The following FBXO15 variants were observed in gnomAD, a reference collection of about 807,000 sequenced individuals.
FBXO15 encodes F-box only protein 15.
In FBXO15, 30 loss-of-function variants were observed where a neutral mutation model predicts 49.5. The observed-to-expected ratio is 0.61, with a 90% CI of 0.45 to 0.82. FBXO15 has a LOEUF of 0.82. FBXO15 is among the 40% of genes least tolerant of loss of function. The pLI is 0.00. For missense variants in FBXO15, 591 were observed against 631.5 expected (o/e 0.94, Z 0.69); for synonymous variants, 250 against 232.7 (o/e 1.07, Z -0.68).
chr18:74,091,384 C>T (rs1477994818), intron 8 of FBXO15, among the ~76,000 whole-genome samples: 1 of 151,824 alleles, frequency 6.6e-6, no homozygotes, highest in African/African-American at 2.4e-5. Flanking sequence ...GGCTATTTAG[C>T]CTGATTATAT....
intron 9 of FBXO15, among the ~76,000 whole-genome samples, chr18:74,076,003 C>T (rs572093030): frequency 1.6e-4 from 25 of 152,322 alleles, no homozygotes; most frequent in Middle Eastern, 6.8e-3. Flanking sequence ...TCAACGGTCC[C>T]TCAAGTCCAG....
At chr18:74,079,189 A>T (rs1426043068) in intron 9 of FBXO15, among the ~76,000 whole-genome samples, 1 of 152,250 alleles carries the variant, frequency 6.6e-6, no homozygotes, top group Non-Finnish European at 1.5e-5. Context: ...CATACGGGAA[A>T]AGCCTCACCA....
chr18:74,073,472 T>C lies in FBXO15; in HGVS notation c.1522A>G (p.Thr508Ala). ...TTTGCCACCTACTGCTAATATTCAG[T>C]CCCAAACCAATGGTTGATTTTTGCG... is the stretch of plus-strand genomic sequence containing the variant. Reference protein sequence around the residue: ...SIAKINHWFGTEY With the variant: ...SIAKINHWFGAEY Residue 508 changes from threonine (T) to alanine (A), a missense_variant, in exon 10 of 10, where the codon ACT (threonine) becomes GCT (alanine). Physicochemically the swap from Thr to Ala is moderately conservative, Grantham distance 58. Coordinates refer to ENST00000419743, the MANE Select transcript of FBXO15 (RefSeq NM_001142958.2). 1 of 1,613,946 alleles carries C rather than the reference T, an allele frequency of 6.2e-7. No homozygotes were observed. Among genetic ancestry groups the C allele is most frequent in the Non-Finnish European group, 8.5e-7 (1 of 1,179,932 alleles).
intron 6 of FBXO15, 70 bp from the exon 7 acceptor site, chr18:74,124,641 A>G: frequency 7.6e-7 from 1 of 1,319,598 alleles, no homozygotes; most frequent in East Asian, 2.3e-5. Flanking sequence ...ATCATTGTGA[A>G]GATCACAGCA....
chr18:74,142,080 A>G lies in FBXO15; in HGVS notation c.117-1768T>C, dbSNP rs184743806. Among the ~76,000 whole-genome samples, 165 of 152,306 alleles carry G rather than the reference A, an allele frequency of 1.1e-3. No homozygotes were observed. In the Middle Eastern group the frequency reaches 0.014, roughly 13 times the overall value. ...GTAAAAATGCACCGAGGAAAAAAAA[A>G]TGCTGGCTCCACATGCCTTTCCATC... On this transcript the variant is annotated intron_variant, in intron 1 of 9. Coordinates refer to ENST00000419743, the MANE Select transcript of FBXO15 (RefSeq NM_001142958.2).
chr18:74,140,429 T>A, intron 1 of FBXO15, 117 bp from the exon 2 acceptor site: 1 of 876,234 alleles, frequency 1.1e-6, no homozygotes, highest in Non-Finnish European at 1.6e-6. Flanking sequence ...ACTGAAAAAC[T>A]TAATTTCTGC....
At chr18:74,123,267 T>C (rs1568173816) in intron 8 of FBXO15, 101 bp downstream of exon 8, 1 of 1,310,700 alleles carries the variant, frequency 7.6e-7, no homozygotes, top group East Asian at 2.3e-5. Context: ...CAAAAGATTA[T>C]AAAGTGACCA....
At chr18:74,127,474 G>A (rs1049147869) in intron 5 of FBXO15, among the ~76,000 whole-genome samples, 5 of 152,232 alleles carry the variant, frequency 3.3e-5, no homozygotes, top group Admixed American at 2.6e-4. Context: ...TTACATCAAT[G>A]AGGCTTTCAC....
At chr18:74,086,068 T>C (rs1308745088) in intron 8 of FBXO15, among the ~76,000 whole-genome samples, 1 of 152,158 alleles carries the variant, frequency 6.6e-6, no homozygotes, top group East Asian at 1.9e-4. Flanking sequence ...TCTAGGTAAT[T>C]ACCACTCAGA....
At chr18:74,139,473 C>CT (rs1027734666) in intron 2 of FBXO15, among the ~76,000 whole-genome samples, 1 of 152,144 alleles carries the variant, frequency 6.6e-6, no homozygotes, top group African/African-American at 2.4e-5. Flanking sequence ...TCCTTTCTGG[C>CT]TTTTTTTAAA....
intron 9 of FBXO15, among the ~76,000 whole-genome samples, chr18:74,080,777 A>T (rs1245027144): frequency 1.3e-5 from 2 of 152,220 alleles, no homozygotes; most frequent in Non-Finnish European, 2.9e-5. Context: ...TATAATTACT[A>T]CATTTCCCTT....
intron 8 of FBXO15, among the ~76,000 whole-genome samples, chr18:74,121,239 T>C (rs1233838878): frequency 6.6e-6 from 1 of 152,162 alleles, no homozygotes; most frequent in African/African-American, 2.4e-5. Context: ...GAAGAAATAC[T>C]ACCAATTCTA....
intron 8 of FBXO15, among the ~76,000 whole-genome samples, chr18:74,089,998 C>G (rs1300453822): frequency 6.6e-6 from 1 of 152,146 alleles, no homozygotes; most frequent in African/African-American, 2.4e-5. Flanking sequence ...ATAGTACCAG[C>G]TCTTCTTTAT....
At chr18:74,096,013 G>A (rs1041153041) in intron 8 of FBXO15, among the ~76,000 whole-genome samples, 1 of 152,040 alleles carries the variant, frequency 6.6e-6, no homozygotes, top group Non-Finnish European at 1.5e-5. Context: ...CCCCTCCCCC[G>A]ATTCTACCCA....
At chr18:74,095,558 C>T (rs1913238235) in intron 8 of FBXO15, among the ~76,000 whole-genome samples, 1 of 152,146 alleles carries the variant, frequency 6.6e-6, no homozygotes, top group South Asian at 2.1e-4. Context: ...TTAGGTTTGC[C>T]ATCTTACATG....
intron 4 of FBXO15, 48 bp downstream of exon 4, chr18:74,130,350 CATACGTCCTACGTACACG>C: frequency 6.3e-7 from 1 of 1,585,784 alleles, no homozygotes; most frequent in Non-Finnish European, 8.6e-7. Flanking sequence ...CTAAACTGCA[CATACGTCCTACGTACACG>C]ATACTTTGAG....
intron 8 of FBXO15, among the ~76,000 whole-genome samples, chr18:74,089,670 A>C (rs1171186712): frequency 1.3e-5 from 2 of 152,212 alleles, no homozygotes; most frequent in Non-Finnish European, 2.9e-5. Flanking sequence ...GCATCTATTG[A>C]TAATCATGTG....
intron 8 of FBXO15, among the ~76,000 whole-genome samples, chr18:74,093,076 A>T (rs1913116711): frequency 6.6e-6 from 1 of 152,134 alleles, no homozygotes; most frequent in African/African-American, 2.4e-5. Context: ...GTGGCAACAC[A>T]GGGTGGGGGC....
chr18:74,092,107 GT>G (rs962112342), intron 8 of FBXO15, among the ~76,000 whole-genome samples: 1 of 151,766 alleles, frequency 6.6e-6, no homozygotes. Flanking sequence ...GTCTGACTGA[GT>G]TCTTTTGTAG....
Sources: gnomAD v4.1 joint callset for allele counts (sites outside exome capture counted in the v4.1 genomes callset) on GRCh38, gnomAD v4.1.1 for gene constraint, MANE v1.5 for transcripts, NCBI Gene and HGNC (gene_info 2026-07-23, HGNC 2026-07-21) for gene names.